Variants in UBE2V1 observed in about 807,000 individuals in gnomAD.
UBE2V1 encodes the protein ubiquitin conjugating enzyme E2 V1, also known as ubiquitin-conjugating enzyme E2 variant 1.
In UBE2V1, 15 loss-of-function variants were observed where a neutral mutation model predicts 19.6. That is an observed-to-expected ratio of 0.77 (90% CI 0.51 to 1.18). The LOEUF is 1.18. Among genes scored for constraint, UBE2V1 ranks in the 50% most tolerant of loss-of-function variants. The pLI, the probability that UBE2V1 is intolerant of heterozygous loss-of-function variation, is 0.00. For synonymous variants in UBE2V1, 60 were observed against 60.7 expected (o/e 0.99, Z 0.05); for missense variants, 125 against 184.8 (o/e 0.68, Z 1.88).
intron 1 of UBE2V1, among the ~76,000 whole-genome samples, chr20:50,108,565 T>C (rs552872311): frequency 6.6e-6 from 1 of 152,312 alleles, no homozygotes; most frequent in Non-Finnish European, 1.5e-5. Context: ...TCCTGGCCTG[T>C]TTCCTCACCT....
chr20:50,089,234 T>C lies in UBE2V1; in HGVS notation c.172-4980A>G, dbSNP rs1436567862. 2.0e-5 allele frequency among the ~76,000 whole-genome samples: 3 copies of C among 152,008 alleles called. No individual in the cohort carries two copies. In the East Asian group the frequency reaches 5.8e-4, roughly 29 times the overall value. On this transcript the variant is annotated intron_variant, in intron 2 of 3. Transcript: ENST00000371674. The stretch of plus-strand genomic sequence containing the variant: ...TTACCAGGGTTGAGTTTACCAGGGT[T>C]GGAGGCTAAGGAAGAGGTCTGAAGA...
chr20:50,090,198 G>GT (rs1168908709), intron 2 of UBE2V1, among the ~76,000 whole-genome samples: 3 of 152,156 alleles, frequency 2.0e-5, no homozygotes, highest in Non-Finnish European at 4.4e-5. Flanking sequence ...CTGTTGCCTA[G>GT]TATTGGGTAT....
intron 2 of UBE2V1, among the ~76,000 whole-genome samples, chr20:50,088,963 G>A (rs1440622893): frequency 6.6e-6 from 1 of 152,160 alleles, no homozygotes; most frequent in African/African-American, 2.4e-5. Context: ...TGTACAATGT[G>A]GGTACATGCT....
chr20:50,099,169 G>C (rs1431055792), intron 1 of UBE2V1, among the ~76,000 whole-genome samples: 1 of 152,066 alleles, frequency 6.6e-6, no homozygotes, highest in Non-Finnish European at 1.5e-5. Context: ...TGATAGGAAG[G>C]CTGATGACTG....
At chr20:50,113,630 G>T (rs960913200), upstream of UBE2V1, among the ~76,000 whole-genome samples, 5 of 152,082 alleles carry the variant, frequency 3.3e-5, no homozygotes, top group Admixed American at 2.0e-4. Flanking sequence ...CAAATTTTTT[G>T]AATCATCACC....
At chr20:50,084,816 T>C (rs1010324903) in intron 2 of UBE2V1, 13 of 167,202 alleles carry the variant, frequency 7.8e-5, no homozygotes, top group African/African-American at 2.7e-4. Context: ...CCTGCAGTCT[T>C]TTTTTTTTTT....
intron 1 of UBE2V1, chr20:50,111,430 G>C: frequency 2.0e-6 from 2 of 1,000,268 alleles, no homozygotes; most frequent in Non-Finnish European, 2.4e-6. Context: ...GGGCCCCTTC[G>C]TTTATTACGA....
At chr20:50,107,693 A>G (rs2080478895) in intron 1 of UBE2V1, among the ~76,000 whole-genome samples, 2 of 152,198 alleles carry the variant, frequency 1.3e-5, no homozygotes, top group African/African-American at 4.8e-5. Flanking sequence ...TACATCAAAG[A>G]GATTCTGAAT....
chr20:50,093,388 G>C (rs1017440514), intron 2 of UBE2V1, among the ~76,000 whole-genome samples: 12 of 152,218 alleles, frequency 7.9e-5, no homozygotes, highest in African/African-American at 2.9e-4. Context: ...GGATATTCGA[G>C]TTACACAGCA....
Position 50,082,840 on chromosome 20 carries a change from A to G in UBE2V1, c.372T>C (p.Leu124=). The change falls in exon 4 of 4, where the codon CTT becomes CTC. Residue 124 remains leucine, a synonymous_variant. Transcript: ENST00000371674. ...TTTCTTTAGACATCATTAGGCGCCG[A>G]AGCTCTTGCAGGACAACTTTGATGC... ...SYSIKVVLQE[L]RRLMMSKENM... is the part of the protein sequence containing the mutation. The G allele has an allele frequency of 6.2e-7, 1 of 1,613,340 alleles. No homozygotes were observed. Among genetic ancestry groups the G allele is most frequent in the Non-Finnish European group, 8.5e-7 (1 of 1,179,864 alleles).
At chr20:50,109,898 A>T (rs1413498472) in intron 1 of UBE2V1, among the ~76,000 whole-genome samples, 1 of 152,222 alleles carries the variant, frequency 6.6e-6, no homozygotes, top group Non-Finnish European at 1.5e-5. Context: ...ACTTAATTAC[A>T]ATTGGCATAA....
intron 2 of UBE2V1, chr20:50,084,710 G>C: frequency 2.7e-6 from 1 of 374,142 alleles, no homozygotes; most frequent in Non-Finnish European, 5.3e-6. Flanking sequence ...AAGACAAGAC[G>C]AGGGAGGGGT....
intron 2 of UBE2V1, among the ~76,000 whole-genome samples, chr20:50,090,255 T>G (rs1311748680): frequency 6.6e-6 from 1 of 152,248 alleles, no homozygotes; most frequent in Non-Finnish European, 1.5e-5. Context: ...TCATCTGCAC[T>G]TCCACACTCA....
At position 50,082,748 on chromosome 20, in the gene UBE2V1, C is replaced by T; in HGVS notation, c.*20G>A. The T allele has an allele frequency of 6.2e-7, 1 of 1,606,054 alleles. No homozygotes were observed. The highest frequency in any genetic ancestry group is 8.5e-7 in the Non-Finnish European group (1 of 1,179,298). ...ATCGAATTGGGGGGAAGGGGAAGGG[C>T]CTGTGGTTTTTCTTTTTGATTAATT... On this transcript the variant is annotated 3_prime_UTR_variant, in exon 4 of 4. Transcript: ENST00000371674.
In UBE2V1 at chr20:50,113,088, GC is replaced by G; in HGVS notation, c.22+18del. ...AGCCCATGCCCCCTCGGCCGGCCGG[GC>G]CCGGCGCCCCCGCTCACCCGAGCCC... On this transcript the variant is annotated intron_variant, in intron 1 of 3. Coordinates refer to ENST00000371674, the MANE Select transcript of UBE2V1 (RefSeq NM_001032288.3). 2 of 1,236,042 alleles carry G rather than the reference GC, an allele frequency of 1.6e-6. No individual in the cohort carries two copies. Among genetic ancestry groups the G allele is most frequent in the South Asian group, 4.1e-5 (2 of 49,370 alleles). 76.6% of individuals were successfully genotyped at this position (1,236,042 alleles called of 1,614,324 possible).
intron 1 of UBE2V1, chr20:50,111,229 T>C: frequency 1.0e-6 from 1 of 983,912 alleles, no homozygotes; most frequent in Middle Eastern, 5.2e-4. Context: ...TGCTCTTGTA[T>C]TCCACTAGAC....
intron 1 of UBE2V1, among the ~76,000 whole-genome samples, chr20:50,103,964 T>C (rs1455482273): frequency 6.7e-6 from 1 of 149,686 alleles, no homozygotes; most frequent in Non-Finnish European, 1.5e-5. Flanking sequence ...ATACTCAATA[T>C]CAATAAATGT....
At chr20:50,085,292 T>C (rs1222916493) in intron 2 of UBE2V1, among the ~76,000 whole-genome samples, 1 of 152,146 alleles carries the variant, frequency 6.6e-6, no homozygotes, top group African/African-American at 2.4e-5. Context: ...ATCTACCCCA[T>C]AAGCAGGGAG....
chr20:50,102,541 C>T (rs921530664), intron 1 of UBE2V1, among the ~76,000 whole-genome samples: 3 of 152,098 alleles, frequency 2.0e-5, no homozygotes, highest in Admixed American at 1.3e-4. Flanking sequence ...CTCCCACATG[C>T]GCTACCATGC....
Sources: allele counts gnomAD v4.1 joint callset (sites outside exome capture counted in the v4.1 genomes callset), GRCh38; gene constraint gnomAD v4.1.1; transcripts MANE v1.5; gene names NCBI Gene and HGNC (gene_info 2026-07-23, HGNC 2026-07-21).